The following NR3C2 variants were observed in gnomAD, a reference collection of about 807,000 sequenced individuals.
The protein encoded by NR3C2 is nuclear receptor subfamily 3 group C member 2.
NR3C2 carries 15 observed loss-of-function variants against 86.4 expected under a neutral mutation model. The ratio of observed to expected loss-of-function variants is 0.17; its 90% CI spans 0.12 to 0.27. NR3C2 has a LOEUF of 0.27. Ranked by LOEUF, NR3C2 falls within the 10% of genes least tolerant of loss-of-function variation. The pLI is 1.00. For synonymous variants in NR3C2, 458 were observed against 450.5 expected (o/e 1.02, Z -0.21); for missense variants, 960 against 1,195.6 (o/e 0.80, Z 2.91).
rs1386301311 is a variant in NR3C2 at position 148,079,234 on chromosome 4, T to G, written c.*2110A>C. On this transcript the variant is annotated 3_prime_UTR_variant, in exon 9 of 9. Coordinates refer to ENST00000358102, the MANE Select transcript of NR3C2 (RefSeq NM_000901.5). ...CTGTGTATTTATTACCTTCAAAGTG[T>G]GGCTTTCATATTACTGTGCACCGTA... 1 of 152,256 alleles carries G rather than the reference T, an allele frequency of 6.6e-6. No homozygotes were observed. Among genetic ancestry groups the G allele is most frequent in the East Asian group, 1.9e-4 (1 of 5,204 alleles). 9.4% of individuals were successfully genotyped at this position (152,256 alleles called of 1,614,324 possible). A position where few individuals can be genotyped will look rare whatever the true frequency, so the allele number is the denominator to read the frequency against.
chr4:148,220,298 G>A (rs981189540), intron 3 of NR3C2, among the ~76,000 whole-genome samples: 2 of 151,982 alleles, frequency 1.3e-5, no homozygotes, highest in African/African-American at 4.8e-5. Flanking sequence ...ATGTTGCCCA[G>A]TCTGGTCTTG....
chr4:148,251,229 G>C (rs1407820930), intron 3 of NR3C2, among the ~76,000 whole-genome samples: 1 of 152,046 alleles, frequency 6.6e-6, no homozygotes, highest in Admixed American at 6.6e-5. Context: ...AAAGTTCTGG[G>C]ATTACAGGCG....
chr4:148,228,502 T>C (rs1260069814), intron 3 of NR3C2, among the ~76,000 whole-genome samples: 2 of 152,204 alleles, frequency 1.3e-5, no homozygotes, highest in Non-Finnish European at 2.9e-5. Flanking sequence ...CAGCTTTTCA[T>C]TGGGTAGTCT....
At chr4:148,161,525 A>T (rs1252977181) in intron 4 of NR3C2, among the ~76,000 whole-genome samples, 4 of 151,836 alleles carry the variant, frequency 2.6e-5, no homozygotes, top group Non-Finnish European at 5.9e-5. Context: ...AATTTTTTTT[A>T]AATATTTTTA....
At chr4:148,151,413 T>G (rs1578943754) in intron 6 of NR3C2, among the ~76,000 whole-genome samples, 1 of 152,358 alleles carries the variant, frequency 6.6e-6, no homozygotes, top group South Asian at 2.1e-4. Flanking sequence ...TTGGCCTTAC[T>G]TCATGCTTTT....
intron 2 of NR3C2, among the ~76,000 whole-genome samples, chr4:148,415,271 C>T (rs1393019531): frequency 6.6e-6 from 1 of 151,972 alleles, no homozygotes; most frequent in Non-Finnish European, 1.5e-5. Context: ...AAATTTCAGG[C>T]CTGATAGAAT....
chr4:148,185,240 T>C (rs967062806), intron 4 of NR3C2, among the ~76,000 whole-genome samples: 1 of 152,212 alleles, frequency 6.6e-6, no homozygotes, highest in Non-Finnish European at 1.5e-5. Flanking sequence ...GGTTACAAGG[T>C]CAGTGAGTGA....
chr4:148,407,018 G>A (rs376136317), intron 2 of NR3C2, among the ~76,000 whole-genome samples: 3 of 152,156 alleles, frequency 2.0e-5, no homozygotes, highest in African/African-American at 4.8e-5. Context: ...AAGAGTTAAC[G>A]TTTACAGAAG....
At chr4:148,419,282 C>G (rs1456627056) in intron 2 of NR3C2, among the ~76,000 whole-genome samples, 4 of 152,132 alleles carry the variant, frequency 2.6e-5, no homozygotes, top group Non-Finnish European at 5.9e-5. Flanking sequence ...TATATTTTAA[C>G]AACAACCAAG....
intron 2 of NR3C2, among the ~76,000 whole-genome samples, chr4:148,289,562 T>C (rs546222303): frequency 6.6e-6 from 1 of 152,294 alleles, no homozygotes; most frequent in African/African-American, 2.4e-5. Context: ...CTGACAATCA[T>C]AAAGACAATA....
At chr4:148,161,961 C>G (rs1354275802) in intron 4 of NR3C2, among the ~76,000 whole-genome samples, 3 of 152,180 alleles carry the variant, frequency 2.0e-5, no homozygotes, top group Non-Finnish European at 4.4e-5. Flanking sequence ...GGAGCGCACA[C>G]TATCCTGTCC....
At chr4:148,418,765 A>G (rs920733411) in intron 2 of NR3C2, among the ~76,000 whole-genome samples, 4 of 152,212 alleles carry the variant, frequency 2.6e-5, no homozygotes, top group Non-Finnish European at 4.4e-5. Flanking sequence ...AAATTTCCCA[A>G]TAGCATAGGA....
At chr4:148,136,080 A>C (rs112007060) in intron 6 of NR3C2, among the ~76,000 whole-genome samples, 25 of 127,700 alleles carry the variant, frequency 2.0e-4, no homozygotes, top group Middle Eastern at 3.9e-3. Flanking sequence ...AAAAAAACAA[A>C]AAAAAAAAAC....
chr4:148,295,658 C>T (rs561801434), intron 2 of NR3C2, among the ~76,000 whole-genome samples: 3 of 151,532 alleles, frequency 2.0e-5, no homozygotes, highest in African/African-American at 7.3e-5. Context: ...CTTTCTCATA[C>T]TCTCACCACT....
chr4:148,353,192 C>T (rs953925601), intron 2 of NR3C2, among the ~76,000 whole-genome samples: 1 of 152,008 alleles, frequency 6.6e-6, no homozygotes, highest in Non-Finnish European at 1.5e-5. Flanking sequence ...TATTTATAGC[C>T]TGCTTTATTC....
At chr4:148,145,533 C>T (rs537466808) in intron 6 of NR3C2, among the ~76,000 whole-genome samples, 5 of 152,316 alleles carry the variant, frequency 3.3e-5, no homozygotes, top group Admixed American at 1.3e-4. Flanking sequence ...TGCTGTGTAA[C>T]ATTTGCCTCA....
Position 148,194,991 on chromosome 4 carries a change from A to G in NR3C2, c.1898-129T>C, listed in dbSNP as rs557904008. On this transcript the variant is annotated intron_variant, in intron 3 of 8. Coordinates refer to ENST00000358102, the MANE Select transcript of NR3C2 (RefSeq NM_000901.5). ...CTCTTTCTCAAAAAAGTAAAAGTAC[A>G]TGATTTGTGGATAATATAGAGGAGG... The G allele has an allele frequency of 4.7e-4, 339 of 727,738 alleles. 4 individuals are homozygous for G. In the East Asian group the frequency reaches 8.7e-3, roughly 19 times the overall value. The allele number at this position is 727,738 out of a possible 1,614,324, so 45.1% of individuals were successfully genotyped here.
chr4:148,274,736 A>C (rs1579094037), intron 2 of NR3C2, among the ~76,000 whole-genome samples: 3 of 132,960 alleles, frequency 2.3e-5, no homozygotes, highest in African/African-American at 2.8e-5. Context: ...ATGGAGTTTC[A>C]CTCCAGGCTG....
intron 8 of NR3C2, among the ~76,000 whole-genome samples, chr4:148,085,291 G>C (rs1179684746): frequency 6.6e-6 from 1 of 151,746 alleles, no homozygotes; most frequent in African/African-American, 2.4e-5. Context: ...GGAAACAACA[G>C]TCTGTCAGAC....
Sources: gnomAD v4.1 joint callset for allele counts (sites outside exome capture counted in the v4.1 genomes callset) on GRCh38, gnomAD v4.1.1 for gene constraint, MANE v1.5 for transcripts, NCBI Gene and HGNC (gene_info 2026-07-23, HGNC 2026-07-21) for gene names.